The following NPEPPS variants were observed in gnomAD, a reference collection of about 807,000 sequenced individuals.
NPEPPS encodes the protein aminopeptidase puromycin sensitive, also known as puromycin-sensitive aminopeptidase.
A neutral mutation model predicts 115.5 loss-of-function variants in NPEPPS; 14 were observed. That is an observed-to-expected ratio of 0.12 (90% CI 0.08 to 0.19). The LOEUF (loss-of-function observed/expected upper bound fraction) is 0.19. Ranked by LOEUF, NPEPPS falls within the 10% of genes least tolerant of loss-of-function variation. The probability of loss-of-function intolerance (pLI) is 1.00; values close to 1 mark genes in which losing one functional copy is unlikely to be tolerated. For missense variants in NPEPPS, 523 were observed against 1,110.8 expected (o/e 0.47, Z 7.52); for synonymous variants, 285 against 390.6 (o/e 0.73, Z 3.19).
intron 3 of NPEPPS, among the ~76,000 whole-genome samples, chr17:47,569,857 G>T (rs533601676): frequency 6.6e-6 from 1 of 152,080 alleles, no homozygotes; most frequent in Admixed American, 6.6e-5. Context: ...GATCTCAAGC[G>T]ATCTGCCCAC....
intron 18 of NPEPPS, among the ~76,000 whole-genome samples, chr17:47,613,277 T>TC (rs1302902192): frequency 6.9e-6 from 1 of 144,504 alleles, no homozygotes; most frequent in East Asian, 2.0e-4. Flanking sequence ...TTTTTTTTTT[T>TC]TTTTCTGAGA....
chr17:47,604,189 T>A (rs567156717), intron 16 of NPEPPS, 140 bp downstream of exon 16: 3 of 644,600 alleles, frequency 4.7e-6, no homozygotes, highest in Non-Finnish European at 7.4e-6. Context: ...AGCAAATCAC[T>A]GTTTTTAATA....
chr17:47,568,103 A>G (rs1194996248), intron 2 of NPEPPS, among the ~76,000 whole-genome samples: 2 of 151,204 alleles, frequency 1.3e-5, no homozygotes, highest in Non-Finnish European at 2.9e-5. Flanking sequence ...TGGCTGCACC[A>G]TTTACATTCC....
At chr17:47,529,954 T>TTTA (rs1907615923), upstream of NPEPPS, among the ~76,000 whole-genome samples, 1 of 125,636 alleles carries the variant, frequency 8.0e-6, no homozygotes, top group African/African-American at 2.8e-5. Context: ...TTATTTATTT[T>TTTA]GAGACAGAGT....
chr17:47,594,594 A>ATGT (rs1425899794), intron 12 of NPEPPS, among the ~76,000 whole-genome samples: 3 of 44,096 alleles, frequency 6.8e-5, no homozygotes, highest in Non-Finnish European at 1.5e-4. Context: ...ATTTTATTTT[A>ATGT]TGTTATGTTA....
At chr17:47,538,043 A>C (rs979716674) in intron 1 of NPEPPS, among the ~76,000 whole-genome samples, 1 of 149,148 alleles carries the variant, frequency 6.7e-6, no homozygotes. Context: ...ACAGGCATGC[A>C]CCACCACGCC....
intron 20 of NPEPPS, 41 bp downstream of exon 20, chr17:47,618,498 C>G: frequency 7.5e-7 from 1 of 1,338,658 alleles, no homozygotes; most frequent in Non-Finnish European, 1.1e-6. Flanking sequence ...TGAATCGTTA[C>G]CCATCTCTGA....
chr17:47,563,957 G>A (rs560319391), intron 2 of NPEPPS, among the ~76,000 whole-genome samples: 4 of 151,586 alleles, frequency 2.6e-5, no homozygotes, highest in Admixed American at 6.6e-5. Flanking sequence ...TCTTTGAGAT[G>A]GAGTCTCACT....
At chr17:47,528,118 A>G (rs996481332), upstream of NPEPPS, among the ~76,000 whole-genome samples, 1 of 151,280 alleles carries the variant, frequency 6.6e-6, no homozygotes, top group Admixed American at 6.6e-5. Context: ...CCTGGCTAAC[A>G]TGGTGAAACT....
Position 47,531,132 on chromosome 17 carries a change from G to A in NPEPPS, c.-169G>A. 1.2e-6 allele frequency: 1 copy of A among 865,790 alleles called. No homozygotes were observed. The highest frequency in any genetic ancestry group is 1.5e-6 in the Non-Finnish European group (1 of 655,900). The allele number at this position is 865,790 out of a possible 1,614,324, so 53.6% of individuals were successfully genotyped here. Reference sequence around the variant, plus strand: ...CACTTCCCCCTCTCCCTCCCTCCTTGCGGGCCCTCCTCCCCTTCCCTCCCC... The same window carrying A: ...CACTTCCCCCTCTCCCTCCCTCCTTACGGGCCCTCCTCCCCTTCCCTCCCC... On this transcript the variant is annotated 5_prime_UTR_variant, in exon 1 of 23. Transcript: ENST00000322157.
At position 47,623,116 on chromosome 17, in the gene NPEPPS, A is replaced by G. The variant is rs1914697507; in HGVS notation, c.*1196A>G. 1 of 255,132 alleles carries G rather than the reference A, an allele frequency of 3.9e-6. No individual in the cohort carries two copies. Among genetic ancestry groups the G allele is most frequent in the African/African-American group, 2.3e-5 (1 of 42,734 alleles). The allele number at this position is 255,132 out of a possible 1,614,324, so 15.8% of individuals were successfully genotyped here. On this transcript the variant is annotated 3_prime_UTR_variant, in exon 23 of 23. Coordinates refer to ENST00000322157, the MANE Select transcript of NPEPPS (RefSeq NM_006310.4). Reference sequence around the variant, plus strand: ...TTTTTTCTTTTTTTCTTAAAAAAATATTTTGTGTTATTAACAGAAATTCAT... The same window carrying G: ...TTTTTTCTTTTTTTCTTAAAAAAATGTTTTGTGTTATTAACAGAAATTCAT...
In NPEPPS at chr17:47,605,441, C is replaced by G; in HGVS notation, c.1984C>G (p.Leu662Val). ...WSDLSCNLGI[L>V]STLLSHTDFY... is the part of the protein sequence containing the mutation. ...CGACCTGAGCTGTAACCTGGGGATT[C>G]TCTCAACTCTCTTGTCCCACACAGA... The change falls in exon 17 of 23, where the codon CTC (leucine) becomes GTC (valine). Residue 662 changes from leucine (L) to valine (V), a missense_variant. This residue lies in a region of NPEPPS where 372 missense variants were observed against 542.6 expected (regional missense o/e 0.69). Transcript: ENST00000322157. 1 of 1,609,674 alleles carries G rather than the reference C, an allele frequency of 6.2e-7. No individual in the cohort carries two copies. Among genetic ancestry groups the G allele is most frequent in the Non-Finnish European group, 8.5e-7 (1 of 1,177,738 alleles).
chr17:47,535,423 T>A (rs953996714), intron 1 of NPEPPS, among the ~76,000 whole-genome samples: 6 of 136,342 alleles, frequency 4.4e-5, no homozygotes, highest in East Asian at 2.3e-4. Flanking sequence ...TGGTGGCGGG[T>A]GCCTGTAGTC....
At chr17:47,550,608 A>G (rs1230373144) in intron 2 of NPEPPS, among the ~76,000 whole-genome samples, 1 of 143,838 alleles carries the variant, frequency 7.0e-6, no homozygotes, top group African/African-American at 2.5e-5. Flanking sequence ...CCAGATATAT[A>G]TATATGTATA....
intron 17 of NPEPPS, among the ~76,000 whole-genome samples, chr17:47,608,990 A>G (rs1175767470): frequency 6.6e-6 from 1 of 152,208 alleles, no homozygotes; most frequent in Non-Finnish European, 1.5e-5. Flanking sequence ...TGGAGACAAC[A>G]CACTTAGACA....
Position 47,532,864 on chromosome 17 carries a change from A to G in NPEPPS, c.255+1309A>G, listed in dbSNP as rs1395806779. Among the ~76,000 whole-genome samples, 4 of 152,114 alleles carry G rather than the reference A, an allele frequency of 2.6e-5. No individual in the cohort carries two copies. The East Asian group carries it at 5.8e-4, about 22-fold the overall frequency. On this transcript the variant is annotated intron_variant, in intron 1 of 22. Transcript: ENST00000322157. ...ACATCCTGCACAATAGGCATTTATG[A>G]TACTATGTAATAGGAAGCCTGTAAT...
At chr17:47,567,000 G>A (rs758972767) in intron 2 of NPEPPS, among the ~76,000 whole-genome samples, 10 of 152,022 alleles carry the variant, frequency 6.6e-5, no homozygotes, top group Non-Finnish European at 1.3e-4. Flanking sequence ...AGAATCTCCC[G>A]AACCTGATGG....
At chr17:47,549,060 C>A (rs928495477) in intron 2 of NPEPPS, among the ~76,000 whole-genome samples, 89 of 152,010 alleles carry the variant, frequency 5.9e-4, no homozygotes, top group African/African-American at 2.1e-3. Context: ...AATATATATT[C>A]AATGCTGGGT....
At chr17:47,603,894 A>G in intron 15 of NPEPPS, 21 bp from the exon 16 acceptor site, 1 of 1,588,548 alleles carries the variant, frequency 6.3e-7, no homozygotes, top group East Asian at 2.3e-5. Context: ...GTTTAATAGT[A>G]CTTACTGGAT....
Sources: allele counts gnomAD v4.1 joint callset (sites outside exome capture counted in the v4.1 genomes callset), GRCh38; gene constraint gnomAD v4.1.1; regional missense constraint gnomAD v4.1.1; transcripts MANE v1.5; gene names NCBI Gene and HGNC (gene_info 2026-07-23, HGNC 2026-07-21).